CDK12: variants seen among roughly 807,000 people sequenced by gnomAD.
The protein encoded by CDK12 is cyclin-dependent kinase 12.
CDK12 carries 17 observed loss-of-function variants against 133.8 expected under a neutral mutation model. The ratio of observed to expected loss-of-function variants is 0.13; its 90% confidence interval spans 0.09 to 0.19. The LOEUF (loss-of-function observed/expected upper bound fraction) is 0.19, where lower values mean the gene tolerates loss of function less well. Ranked by LOEUF, CDK12 falls within the 10% of genes least tolerant of loss-of-function variation. The probability of loss-of-function intolerance (pLI) is 1.00; values close to 1 mark genes in which losing one functional copy is unlikely to be tolerated. For synonymous variants in CDK12, 694 were observed against 683.6 expected, an observed-to-expected ratio of 1.02 and a Z score of -0.24; for missense variants, 1,508 against 1,818.7, an observed-to-expected ratio of 0.83 and a Z score of 3.11.
chr17:39,554,248 C>T (rs187971629), intron 2 of CDK12, among the ~76,000 whole-genome samples: 1 of 152,254 alleles, frequency 6.6e-6, no homozygotes, highest in Admixed American at 6.5e-5. Flanking sequence ...AACACCAGAA[C>T]CTGGAAGGAT....
At chr17:39,485,408 C>CTTTT (rs35318849) in intron 2 of CDK12, among the ~76,000 whole-genome samples, 1 of 69,862 alleles carries the variant, frequency 1.4e-5, no homozygotes, top group Non-Finnish European at 2.7e-5. Flanking sequence ...CATCCCCCCC[C>CTTTT]TTTTTTTTTT....
rs771702282 is a variant in CDK12, at chr17:39,462,620, G to A, written c.549G>A (p.Lys183=). 10 of 1,614,140 alleles carry A rather than the reference G, an allele frequency of 6.2e-6. No homozygotes were observed. The highest frequency in any genetic ancestry group is 3.3e-4 in the Middle Eastern group (2 of 6,062). ...GGTCATCCAAGCTCCACAAGGAGAA[G>A]ACCAGGAAAGAACGGGAGCTGAAGT... ...ESRSSKLHKE[K]TRKERELKSG... The change falls in exon 1 of 14, where the codon AAG becomes AAA. Residue 183 remains lysine, a synonymous_variant. Coordinates refer to ENST00000447079, the MANE Select transcript of CDK12 (RefSeq NM_016507.4).
At chr17:39,465,550 G>A (rs546923716) in intron 1 of CDK12, among the ~76,000 whole-genome samples, 9 of 151,770 alleles carry the variant, frequency 5.9e-5, no homozygotes, top group African/African-American at 1.9e-4. Flanking sequence ...GCAGTGGAGC[G>A]ATCTCGGTTC....
intron 2 of CDK12, among the ~76,000 whole-genome samples, chr17:39,474,781 CTTTTTTT>C (rs893347738): frequency 6.0e-4 from 56 of 94,106 alleles, no homozygotes; most frequent in East Asian, 1.7e-3. Context: ...ATGATGTTTC[CTTTTTTT>C]TTTTTTTTTT....
rs1182483911 is a variant in CDK12, at chr17:39,477,664, C to T, written c.1931+5901C>T. On this transcript the variant is annotated intron_variant, in intron 2 of 13. Coordinates refer to ENST00000447079, the MANE Select transcript of CDK12 (RefSeq NM_016507.4). ...CTTGGCTCACTGCAAGCTCCACCTCCTGGGTCCACGCTATTCTTCTGCCTC... is the reference window on the plus strand; with the variant it reads ...CTTGGCTCACTGCAAGCTCCACCTCTTGGGTCCACGCTATTCTTCTGCCTC... Among the ~76,000 whole-genome samples the T allele has an allele frequency of 2.6e-5, 4 of 151,530 alleles. No individual in the cohort carries two copies. In the East Asian group the frequency reaches 7.7e-4, roughly 29 times the overall value.
At chr17:39,486,814 C>T (rs1358293968) in intron 2 of CDK12, among the ~76,000 whole-genome samples, 1 of 151,962 alleles carries the variant, frequency 6.6e-6, no homozygotes, top group African/African-American at 2.4e-5. Flanking sequence ...CGAGTCCAGC[C>T]TGGCCAATAT....
chr17:39,530,386 A>C, intron 13 of CDK12: 3 of 536,766 alleles, frequency 5.6e-6, no homozygotes, highest in Non-Finnish European at 9.1e-6. Flanking sequence ...TTTGAAACAT[A>C]TGATATTTTT....
chr17:39,527,781 A>T (rs995402856), intron 13 of CDK12, among the ~76,000 whole-genome samples: 1 of 152,168 alleles, frequency 6.6e-6, no homozygotes, highest in Non-Finnish European at 1.5e-5. Flanking sequence ...TCCCAGCCTC[A>T]GGTGATCTGC....
intron 1 of CDK12, among the ~76,000 whole-genome samples, chr17:39,468,452 A>G (rs1217481568): frequency 1.3e-5 from 2 of 151,990 alleles, no homozygotes; most frequent in African/African-American, 4.8e-5. Context: ...GTTTTGTCCA[A>G]TTATGCTTTT....
At chr17:39,468,760 C>T (rs912387907) in intron 1 of CDK12, among the ~76,000 whole-genome samples, 67 of 152,084 alleles carry the variant, frequency 4.4e-4, no homozygotes, top group African/African-American at 1.6e-3. Flanking sequence ...CAGGCGTGAG[C>T]CACAGTGCCC....
At chr17:39,565,358 C>T (rs562798853), downstream of CDK12, among the ~76,000 whole-genome samples, 5 of 152,180 alleles carry the variant, frequency 3.3e-5, no homozygotes, top group East Asian at 7.7e-4. Context: ...TTGTGATCCG[C>T]CCACCTCAGC....
At chr17:39,515,962 T>C (rs929558350) in intron 9 of CDK12, among the ~76,000 whole-genome samples, 154 bp downstream of exon 9, 1 of 152,250 alleles carries the variant, frequency 6.6e-6, no homozygotes, top group African/African-American at 2.4e-5. Context: ...TATTTTGTCA[T>C]AGGCTATACA....
Position 39,533,722 on chromosome 17 carries a change from C to T in CDK12, c.*2406C>T, listed in dbSNP as rs1311349157. The T allele has an allele frequency of 8.6e-6, 2 of 232,628 alleles. No homozygotes were observed. Among genetic ancestry groups the T allele is most frequent in the Non-Finnish European group, 1.7e-5 (2 of 117,800 alleles). The allele number at this position is 232,628 out of a possible 1,614,324, so 14.4% of individuals were successfully genotyped here. On this transcript the variant is annotated 3_prime_UTR_variant, in exon 14 of 14. Coordinates refer to ENST00000447079, the MANE Select transcript of CDK12 (RefSeq NM_016507.4). ...ATGTGTATGTATGATCCCATCTCACCCCCACCCCCATTTTGGGAGTCTTTT... is the reference window on the plus strand; with the variant it reads ...ATGTGTATGTATGATCCCATCTCACTCCCACCCCCATTTTGGGAGTCTTTT...
At chr17:39,468,914 C>A (rs1019969148) in intron 1 of CDK12, among the ~76,000 whole-genome samples, 4 of 151,888 alleles carry the variant, frequency 2.6e-5, no homozygotes, top group Admixed American at 2.6e-4. Context: ...CTGCAACCTC[C>A]GCCTCCTGGG....
upstream of CDK12, chr17:39,544,444 G>A (rs1458307885): frequency 4.3e-6 from 1 of 231,506 alleles, no homozygotes; most frequent in East Asian, 8.1e-5. Flanking sequence ...CCCCACCCCT[G>A]GTCTTAGAGA....
chr17:39,486,173 G>A (rs1224941520), intron 2 of CDK12, among the ~76,000 whole-genome samples: 1 of 149,398 alleles, frequency 6.7e-6, no homozygotes, highest in African/African-American at 2.5e-5. Context: ...GGCTGGTCTT[G>A]AACTCCTGAC....
At chr17:39,523,162 A>C (rs1367156591) in intron 11 of CDK12, among the ~76,000 whole-genome samples, 1 of 151,918 alleles carries the variant, frequency 6.6e-6, no homozygotes, top group Non-Finnish European at 1.5e-5. Flanking sequence ...TTCATATCCC[A>C]CATTATAGCA....
chr17:39,466,694 G>A (rs1387706419), intron 1 of CDK12, among the ~76,000 whole-genome samples: 1 of 119,108 alleles, frequency 8.4e-6, no homozygotes, highest in Non-Finnish European at 1.7e-5. Context: ...GTCAGTAATG[G>A]TAAAAATAAG....
downstream of CDK12, chr17:39,567,493 T>C (rs992486160): frequency 6.6e-6 from 1 of 152,236 alleles, no homozygotes; most frequent in Admixed American, 6.5e-5. Context: ...CCAGAAACAA[T>C]GCCTAGCATA....
Sources: allele counts gnomAD v4.1 joint callset (sites outside exome capture counted in the v4.1 genomes callset), GRCh38; gene constraint gnomAD v4.1.1; transcripts MANE v1.5; gene names NCBI Gene and HGNC (gene_info 2026-07-23, HGNC 2026-07-21).